NAALADL1: variants seen among roughly 807,000 people sequenced by gnomAD.
NAALADL1 encodes the protein N-acetylated alpha-linked acidic dipeptidase like 1, also known as aminopeptidase NAALADL1.
NAALADL1 carries 77 observed loss-of-function variants against 82.8 expected under a neutral mutation model. That is an observed-to-expected ratio of 0.93 (90% CI 0.77 to 1.12). The LOEUF (loss-of-function observed/expected upper bound fraction) is 1.12, where lower values mean the gene tolerates loss of function less well. Ranked by LOEUF, NAALADL1 falls within the 50% of genes most tolerant of loss-of-function variation. NAALADL1 has a pLI of 0.00. For missense variants in NAALADL1, 956 were observed against 964.0 expected (o/e 0.99, Z 0.11); for synonymous variants, 358 against 399.2 (o/e 0.90, Z 1.23).
intron 4 of NAALADL1, 138 bp downstream of exon 4, chr11:65,057,233 T>G: frequency 7.6e-7 from 1 of 1,319,610 alleles, no homozygotes. Context: ...GAAAACACCT[T>G]GCCTTTCCTG....
At position 65,045,925 on chromosome 11, in the gene NAALADL1, G is replaced by A. The variant is rs991240458; in HGVS notation, c.1944-11C>T. On this transcript the variant is annotated splice_polypyrimidine_tract_variant and intron_variant, in intron 16 of 17. Transcript: ENST00000358658. ...CGGACCTGCAGGGGGCTGGTGGGGA[G>A]GCAGGAACTGCCAGTCACCCTGGAG... 23 of 1,613,652 alleles carry A rather than the reference G, an allele frequency of 1.4e-5. No individual in the cohort carries two copies. Among genetic ancestry groups the A allele is most frequent in the Non-Finnish European group, 1.9e-5 (22 of 1,179,852 alleles).
chr11:65,051,023 G>C (rs1946871771), intron 8 of NAALADL1, among the ~76,000 whole-genome samples: 1 of 152,026 alleles, frequency 6.6e-6, no homozygotes, highest in Non-Finnish European at 1.5e-5. Flanking sequence ...AAGCAAACGT[G>C]ATGAAACATT....
chr11:65,048,166 T>C lies in NAALADL1; in HGVS notation c.1334A>G (p.Asp445Gly). 6.2e-7 allele frequency: 1 copy of C among 1,613,632 alleles called. No homozygotes were observed. The highest frequency in any genetic ancestry group is 1.7e-5 in the Admixed American group (1 of 59,986). Residue 445 changes from aspartate (D) to glycine (G), a missense_variant, in exon 10 of 18, where the codon GAC becomes GGC. Transcript: ENST00000358658. Reference sequence around the variant, plus strand: ...CACCCACATACCAAACACCGAGATGTCCACGTTGATGTAGGCCACCGTGCG... The same window carrying C: ...CACCCACATACCAAACACCGAGATGCCCACGTTGATGTAGGCCACCGTGCG... ...QERTVAYINV[D>G]ISVFANATLR...
intron 12 of NAALADL1, 35 bp from the exon 13 acceptor site, chr11:65,047,600 T>G (rs918097252): frequency 6.3e-7 from 1 of 1,578,508 alleles, no homozygotes; most frequent in African/African-American, 1.3e-5. Context: ...TAAAGAGCGC[T>G]GGGCCGGACC....
chr11:65,048,445 G>T, intron 8 of NAALADL1, 60 bp from the exon 9 acceptor site: 1 of 1,589,106 alleles, frequency 6.3e-7, no homozygotes, highest in South Asian at 1.1e-5. Context: ...GGTGCCTTAG[G>T]AGAAAGGCTG....
At chr11:65,050,078 G>A (rs888191847) in intron 8 of NAALADL1, among the ~76,000 whole-genome samples, 41 of 151,570 alleles carry the variant, frequency 2.7e-4, no homozygotes, top group African/African-American at 8.9e-4. Context: ...GTTTTACCAC[G>A]TTGGCCAGGC....
At chr11:65,059,384 T>G (rs1947134593), upstream of NAALADL1, among the ~76,000 whole-genome samples, 1 of 152,120 alleles carries the variant, frequency 6.6e-6, no homozygotes, top group African/African-American at 2.4e-5. Context: ...TAGTGGGAGC[T>G]CATCAATTTT....
At position 65,058,531 on chromosome 11, in the gene NAALADL1, T is replaced by A. The variant is rs1947114365; in HGVS notation, c.-10A>T. On this transcript the variant is annotated 5_prime_UTR_variant, in exon 1 of 18. Transcript: ENST00000358658. The stretch of plus-strand genomic sequence containing the variant: ...CCTTCGTCCACTGCATCCTGCGGAC[T>A]CTTGGCCAGCTGGGGTAGGACTGGT... The A allele has an allele frequency of 6.3e-7, 1 of 1,577,880 alleles. No individual in the cohort carries two copies. The highest frequency in any genetic ancestry group is 2.2e-5 in the East Asian group (1 of 44,512).
At position 65,045,421 on chromosome 11, in the gene NAALADL1, G is replaced by T. The variant is rs1448488545; in HGVS notation, c.2073C>A (p.Val691=). The T allele has an allele frequency of 1.2e-6, 2 of 1,612,804 alleles. No individual in the cohort carries two copies. The highest frequency in any genetic ancestry group is 2.2e-5 in the South Asian group (2 of 90,926). The change falls in exon 18 of 18, where the codon GTC becomes GTA. Residue 691 remains valine, a synonymous_variant. Transcript: ENST00000358658. ...AGGCATTGGATAGGCCCGGGAATGT[G>T]ACTACGGAGCCCGTGCGAGGTGCCC... is the stretch of plus-strand genomic sequence containing the variant. ...VLWAPRTGSV[V]TFPGLSNACS... is the part of the protein sequence containing the mutation.
chr11:65,051,269 C>G (rs1043126041), intron 8 of NAALADL1, among the ~76,000 whole-genome samples: 1 of 149,308 alleles, frequency 6.7e-6, no homozygotes, highest in African/African-American at 2.5e-5. Context: ...GTTTTGCTAC[C>G]AACTCCCCAA....
At position 65,047,974 on chromosome 11, in the gene NAALADL1, C is replaced by T. The variant is rs1428934471; in HGVS notation, c.1416+7G>A. On this transcript the variant is annotated splice_region_variant and intron_variant, in intron 11 of 17. Coordinates refer to ENST00000358658, the MANE Select transcript of NAALADL1 (RefSeq NM_005468.3). Reference sequence around the variant, plus strand: ...AGTTCAGCCCCGCCCGGCCTGCCCCCTTCCACCTCTTTGGTTGCAGAGAAG... The same window carrying T: ...AGTTCAGCCCCGCCCGGCCTGCCCCTTTCCACCTCTTTGGTTGCAGAGAAG... 4.4e-6 allele frequency: 7 copies of T among 1,606,588 alleles called. No individual in the cohort carries two copies. The African/African-American group carries it at 5.4e-5, about 12-fold the overall frequency.
intron 3 of NAALADL1, 77 bp downstream of exon 3, chr11:65,057,798 C>G: frequency 6.3e-7 from 1 of 1,590,824 alleles, no homozygotes; most frequent in Non-Finnish European, 8.6e-7. Flanking sequence ...AGGCACGTTC[C>G]CTGGGTCAGG....
chr11:65,046,241 C>T lies in NAALADL1; in HGVS notation c.1803G>A (p.Gln601=). Residue 601 remains glutamine, a synonymous_variant, in exon 15 of 18, where the codon CAG becomes CAA. Transcript: ENST00000358658. ...DYSETLRSFL[Q]AAQQDLGALL... ...GGGCCCCAAGATCTTGCTGGGCTGCCTGCAGGAAGCTGCGGAGTGTCTCAC... is the reference window on the plus strand; with the variant it reads ...GGGCCCCAAGATCTTGCTGGGCTGCTTGCAGGAAGCTGCGGAGTGTCTCAC... The T allele has an allele frequency of 2.5e-6, 4 of 1,614,198 alleles. No individual in the cohort carries two copies. The highest frequency in any genetic ancestry group is 3.4e-6 in the Non-Finnish European group (4 of 1,180,052).
rs553595057 is a variant in NAALADL1 at position 65,050,817 on chromosome 11, C to T, written c.1198+2401G>A. Reference sequence around the variant, plus strand: ...ATAATAATAATAATAATACTTCAGACAAAAACATATATAGTTATATTATAA... The same window carrying T: ...ATAATAATAATAATAATACTTCAGATAAAAACATATATAGTTATATTATAA... On this transcript the variant is annotated intron_variant, in intron 8 of 17. Coordinates refer to ENST00000358658, the MANE Select transcript of NAALADL1 (RefSeq NM_005468.3). 4.2e-3 allele frequency among the ~76,000 whole-genome samples: 632 copies of T among 152,088 alleles called. 5 individuals are homozygous for T. In the Middle Eastern group the frequency reaches 0.071, roughly 17 times the overall value.
chr11:65,045,552 G>T, intron 17 of NAALADL1, 95 bp from the exon 18 acceptor site: 1 of 1,338,356 alleles, frequency 7.5e-7, no homozygotes, highest in Non-Finnish European at 1.0e-6. Context: ...TGTACGCAGC[G>T]AGGCAGAAAA....
Position 65,053,538 on chromosome 11 carries a change from C to T in NAALADL1, c.1031G>A (p.Arg344Lys). The T allele has an allele frequency of 6.2e-7, 1 of 1,612,772 alleles. No homozygotes were observed. Among genetic ancestry groups the T allele is most frequent in the Non-Finnish European group, 8.5e-7 (1 of 1,179,314 alleles). Residue 344 changes from arginine to lysine, a missense_variant, in exon 7 of 18, where the codon AGG (arginine) becomes AAG (lysine). Transcript: ENST00000358658. This position sits in a 1 kb window ranked among gnomAD's most constrained non-coding sequence, Gnocchi z 4.3. ...NVSVYNRLEL[R>K]NSSNVLGIIR... ...GATGCCCAGGACGTTGGAAGAGTTCCTCAGCTCCAGGCGGTTGTAGACGCT... is the reference window on the plus strand; with the variant it reads ...GATGCCCAGGACGTTGGAAGAGTTCTTCAGCTCCAGGCGGTTGTAGACGCT...
Position 65,048,219 on chromosome 11 carries a change from C to G in NAALADL1, c.1285-4G>C. The G allele has an allele frequency of 6.2e-7, 1 of 1,614,002 alleles. No individual in the cohort carries two copies. The highest frequency in any genetic ancestry group is 8.5e-7 in the Non-Finnish European group (1 of 1,180,002). ...CCTGCAGCTTGTTGAAGAACTCCTG[C>G]GGGTGCGAGGGGCGACGTCAGCCCC... On this transcript the variant is annotated splice_polypyrimidine_tract_variant and splice_region_variant and intron_variant, in intron 9 of 17. Coordinates refer to ENST00000358658, the MANE Select transcript of NAALADL1 (RefSeq NM_005468.3).
At chr11:65,047,769 G>T in intron 11 of NAALADL1, 31 bp from the exon 12 acceptor site, 1 of 1,565,808 alleles carries the variant, frequency 6.4e-7, no homozygotes. Flanking sequence ...GTCTCGGTGC[G>T]CGGCCCTCCC....
chr11:65,051,274 C>CCCCAAGT (rs1447009813), intron 8 of NAALADL1, among the ~76,000 whole-genome samples: 34 of 148,936 alleles, frequency 2.3e-4, no homozygotes, highest in African/African-American at 8.4e-4. Context: ...GCTACCAACT[C>CCCCAAGT]CCCAAGTCAT....
Sources: allele counts gnomAD v4.1 joint callset (sites outside exome capture counted in the v4.1 genomes callset), GRCh38; gene constraint gnomAD v4.1.1; non-coding constraint Gnocchi (gnomAD v3.1); transcripts MANE v1.5; gene names NCBI Gene and HGNC (gene_info 2026-07-23, HGNC 2026-07-21).